The following CEP128 variants were observed in gnomAD, a reference collection of about 807,000 sequenced individuals.
CEP128 encodes centrosomal protein 128, also known as centrosomal protein 128kDa.
CEP128 carries 132 observed loss-of-function variants against 156.7 expected under a neutral mutation model. The observed-to-expected ratio is 0.84, with a 90% CI of 0.73 to 0.97. The LOEUF is 0.97. Ranked by LOEUF, CEP128 falls within the 50% of genes least tolerant of loss-of-function variation. The probability of loss-of-function intolerance (pLI) is 0.00; values close to 1 mark genes in which losing one functional copy is unlikely to be tolerated. For missense variants in CEP128, 1,252 were observed against 1,281.9 expected (o/e 0.98, Z 0.36); for synonymous variants, 469 against 448.9 (o/e 1.04, Z -0.57).
intron 19 of CEP128, among the ~76,000 whole-genome samples, chr14:80,584,346 A>G (rs1187104670): frequency 6.6e-6 from 1 of 151,824 alleles, no homozygotes; most frequent in African/African-American, 2.4e-5. Context: ...GGGTTTTACC[A>G]TGTTAGATGG....
chr14:80,629,655 C>A (rs1893882739), intron 19 of CEP128, among the ~76,000 whole-genome samples: 1 of 151,632 alleles, frequency 6.6e-6, no homozygotes, highest in Admixed American at 6.6e-5. Flanking sequence ...AAGGTGTAGT[C>A]TCTATAGGCC....
rs987393478 is a variant in CEP128, at chr14:80,831,098, T to C, written c.1209+45A>G. The C allele has an allele frequency of 1.1e-5, 17 of 1,498,110 alleles. No individual in the cohort carries two copies. The Middle Eastern group carries it at 5.5e-4, about 49-fold the overall frequency. The allele number at this position is 1,498,110 out of a possible 1,614,324, so 92.8% of individuals were successfully genotyped here. On this transcript the variant is annotated intron_variant, in intron 13 of 24. Transcript: ENST00000555265. ...AATTTCATTAAGCAATTCCATGAGA[T>C]AAAATTAAAATATTTCGAATATGAC... is the stretch of plus-strand genomic sequence containing the variant.
In CEP128 at chr14:80,649,679, T is replaced by C. The variant is rs183209285; in HGVS notation, c.2807-69256A>G. ...TGCATTTTAAGAAGTCCCCCAAATA[T>C]TTTATTAACAGTTGGAAACCACTGG... On this transcript the variant is annotated intron_variant, in intron 19 of 24. Coordinates refer to ENST00000555265, the MANE Select transcript of CEP128 (RefSeq NM_152446.5). 3.0e-3 allele frequency among the ~76,000 whole-genome samples: 461 copies of C among 152,178 alleles called. 1 individual carries two copies. Among genetic ancestry groups the C allele is most frequent in the Admixed American group, 4.5e-3 (69 of 15,266 alleles).
intron 18 of CEP128, among the ~76,000 whole-genome samples, chr14:80,750,512 T>C (rs1899337306): frequency 6.6e-6 from 1 of 152,222 alleles, no homozygotes; most frequent in Non-Finnish European, 1.5e-5. Flanking sequence ...ATAACCCATG[T>C]GGTCCAAACA....
chr14:80,805,873 T>A (rs1884148196), intron 13 of CEP128, among the ~76,000 whole-genome samples: 1 of 152,210 alleles, frequency 6.6e-6, no homozygotes, highest in Non-Finnish European at 1.5e-5. Context: ...TTTCAAATGG[T>A]GTTTTTTAAA....
chr14:80,863,525 A>G (rs982586894), intron 8 of CEP128, among the ~76,000 whole-genome samples: 5 of 152,248 alleles, frequency 3.3e-5, no homozygotes, highest in Non-Finnish European at 7.3e-5. Context: ...TTTCTCTCTG[A>G]CACAAAATTC....
At chr14:80,587,043 C>T (rs935183961) in intron 19 of CEP128, among the ~76,000 whole-genome samples, 4 of 144,334 alleles carry the variant, frequency 2.8e-5, no homozygotes, top group Non-Finnish European at 6.0e-5. Context: ...TATTAGCTCT[C>T]AGTATTTTTT....
Position 80,754,816 on chromosome 14 carries a change from T to C in CEP128, c.2613+2076A>G, listed in dbSNP as rs150405898. ...TGTAACAGCATCTGAGACGTAGTAG[T>C]TTCTCAGTAAATTCCATTAAGCTGA... On this transcript the variant is annotated intron_variant, in intron 18 of 24. Transcript: ENST00000555265. Among the ~76,000 whole-genome samples the C allele has an allele frequency of 2.9e-4, 44 of 152,278 alleles. 1 individual carries two copies. The highest frequency in any genetic ancestry group is 1.1e-3 in the African/African-American group (44 of 41,574).
At chr14:80,515,505 T>C (rs954414954) in intron 23 of CEP128, among the ~76,000 whole-genome samples, 11 of 152,202 alleles carry the variant, frequency 7.2e-5, no homozygotes, top group Non-Finnish European at 1.3e-4. Flanking sequence ...GAGTACTGCC[T>C]GACTACTACC....
intron 7 of CEP128, 126 bp from the exon 8 acceptor site, chr14:80,895,916 T>C (rs964616063): frequency 5.6e-6 from 4 of 710,772 alleles, no homozygotes; most frequent in African/African-American, 5.5e-5. Context: ...TCAAATGTTA[T>C]AAACATCTGA....
downstream of CEP128, among the ~76,000 whole-genome samples, chr14:80,493,526 T>C (rs2140161647): frequency 6.6e-6 from 1 of 152,294 alleles, no homozygotes; most frequent in African/African-American, 2.4e-5. Flanking sequence ...ATCACAGGGC[T>C]TTGCACCCAC....
At chr14:80,633,618 C>T (rs1254660890) in intron 19 of CEP128, among the ~76,000 whole-genome samples, 2 of 152,210 alleles carry the variant, frequency 1.3e-5, no homozygotes, top group Non-Finnish European at 2.9e-5. Flanking sequence ...TCTTGCATCC[C>T]TATTCCCACA....
intron 13 of CEP128, among the ~76,000 whole-genome samples, chr14:80,802,759 G>T (rs1415651341): frequency 1.3e-5 from 2 of 152,094 alleles, no homozygotes; most frequent in African/African-American, 4.8e-5. Flanking sequence ...TTTTCTAGCA[G>T]GAGAATAACA....
rs1023123940 is a variant in CEP128 at position 80,761,549 on chromosome 14, T to C, written c.2441A>G (p.Lys814Arg). ...AGTCTCCAAGCAAAGAAGTTGATCC[T>C]TGAGCTGCAATCTGGCCTCTTCCAT... Reference protein sequence around the residue: ...RRMEEARLQLKDQLLCLETEQ... With the variant: ...RRMEEARLQLRDQLLCLETEQ... The change falls in exon 17 of 25, where the codon AAG becomes AGG. Residue 814 changes from lysine (K) to arginine (R), a missense_variant. Physicochemically the swap from Lys to Arg is conservative, Grantham distance 26. Transcript: ENST00000555265. The C allele has an allele frequency of 1.2e-6, 2 of 1,612,984 alleles. No homozygotes were observed. The highest frequency in any genetic ancestry group is 1.7e-5 in the Admixed American group (1 of 59,998).
chr14:80,955,979 T>C, intron 2 of CEP128: 1 of 1,119,506 alleles, frequency 8.9e-7, no homozygotes. Context: ...TGTGAGTGAA[T>C]GTCTGTGTGT....
intron 19 of CEP128, among the ~76,000 whole-genome samples, chr14:80,641,544 A>C (rs984356618): frequency 2.6e-5 from 4 of 152,218 alleles, no homozygotes; most frequent in African/African-American, 9.6e-5. Flanking sequence ...AATCGGATAC[A>C]GTGCCTGGTA....
intron 14 of CEP128, among the ~76,000 whole-genome samples, chr14:80,479,944 C>T (rs754491305): frequency 2.6e-5 from 4 of 152,220 alleles, no homozygotes; most frequent in Non-Finnish European, 5.9e-5. Context: ...CCAAAATGAT[C>T]TCCTTTGACT....
intron 9 of CEP128, among the ~76,000 whole-genome samples, chr14:80,848,351 C>T (rs1886712002): frequency 6.6e-6 from 1 of 152,160 alleles, no homozygotes; most frequent in South Asian, 2.1e-4. Flanking sequence ...CTAGAGTTGG[C>T]AAGAAGAACA....
chr14:80,877,991 G>A (rs1304784157), intron 8 of CEP128, among the ~76,000 whole-genome samples: 2 of 152,026 alleles, frequency 1.3e-5, no homozygotes, highest in Admixed American at 6.6e-5. Flanking sequence ...TACCAGAGAA[G>A]TGGCACCCCG....
Sources: allele counts gnomAD v4.1 joint callset (sites outside exome capture counted in the v4.1 genomes callset), GRCh38; gene constraint gnomAD v4.1.1; transcripts MANE v1.5; gene names NCBI Gene and HGNC (gene_info 2026-07-23, HGNC 2026-07-21).